Variants in IER3IP1 observed in about 807,000 individuals in gnomAD.
IER3IP1 encodes immediate early response 3 interacting protein 1.
Under a neutral mutation model 12.2 loss-of-function variants are expected in IER3IP1, and 16 were observed. That is an observed-to-expected ratio of 1.31 (90% confidence interval 0.89 to 1.99). The LOEUF is 1.99. Among genes scored for constraint, IER3IP1 ranks in the 30% most tolerant of loss-of-function variants. The pLI is 0.00. For synonymous variants in IER3IP1, 42 were observed against 40.0 expected (o/e 1.05, Z -0.19); for missense variants, 95 against 95.8 (o/e 0.99, Z 0.03).
chr18:47,165,099 C>T (rs1169388192), intron 1 of IER3IP1, among the ~76,000 whole-genome samples: 5 of 152,138 alleles, frequency 3.3e-5, no homozygotes, highest in Admixed American at 3.3e-4. Context: ...ATCTCAGCCT[C>T]TCTGAGATCA....
chr18:47,163,392 G>A (rs2063985922), intron 1 of IER3IP1, among the ~76,000 whole-genome samples: 1 of 152,142 alleles, frequency 6.6e-6, no homozygotes, highest in South Asian at 2.1e-4. Flanking sequence ...TGTCCCAGGT[G>A]GAATGGAATA....
In IER3IP1 at chr18:47,158,218, C is replaced by G. The variant is rs2063967738; in HGVS notation, c.92-681G>C. ...TTCAAAAATTACCATAATATAGAGA[C>G]AGGGTCTCACTTTGCTGCCTAGGCT... On this transcript the variant is annotated intron_variant, in intron 1 of 2. Transcript: ENST00000256433. 2.6e-5 allele frequency among the ~76,000 whole-genome samples: 4 copies of G among 152,194 alleles called. No individual in the cohort carries two copies. The South Asian group carries it at 8.3e-4, about 32-fold the overall frequency.
intron 1 of IER3IP1, among the ~76,000 whole-genome samples, chr18:47,173,136 T>C (rs2144439882): frequency 6.6e-6 from 1 of 152,316 alleles, no homozygotes; most frequent in South Asian, 2.1e-4. Flanking sequence ...CTTGCGTATC[T>C]CATAGAAATC....
At chr18:47,161,497 T>G (rs1265875897) in intron 1 of IER3IP1, among the ~76,000 whole-genome samples, 3 of 152,248 alleles carry the variant, frequency 2.0e-5, no homozygotes, top group Admixed American at 2.0e-4. Context: ...CTCAACCCTT[T>G]GAGTTTTCTC....
chr18:47,168,187 C>G (rs1332900479), intron 1 of IER3IP1, among the ~76,000 whole-genome samples: 6 of 146,290 alleles, frequency 4.1e-5, no homozygotes. Context: ...TTCCTGTAAT[C>G]CCAGCTATTC....
At chr18:47,168,239 A>T (rs551103031) in intron 1 of IER3IP1, among the ~76,000 whole-genome samples, 2 of 144,588 alleles carry the variant, frequency 1.4e-5, no homozygotes, top group East Asian at 4.4e-4. Context: ...GAGGCAGAGG[A>T]TGCAGTGAGC....
At chr18:47,175,665 G>C (rs2064030301) in intron 1 of IER3IP1, among the ~76,000 whole-genome samples, 1 of 152,022 alleles carries the variant, frequency 6.6e-6, no homozygotes, top group Admixed American at 6.5e-5. Flanking sequence ...GTTTTACCAT[G>C]TTGGCCAGGC....
rs1293571360 is a variant in IER3IP1 at position 47,154,615 on chromosome 18, C to G, written c.*1562G>C. 1 of 152,206 alleles carries G rather than the reference C, an allele frequency of 6.6e-6. No homozygotes were observed. The highest frequency in any genetic ancestry group is 6.5e-5 in the Admixed American group (1 of 15,282). The allele number at this position is 152,206 out of a possible 1,614,324, so 9.4% of individuals were successfully genotyped here. ...TTTTGAATCTTTTCAGTAGCTCAAA[C>G]TTGAACTCAGGCATCAGTTCTTTGT... On this transcript the variant is annotated 3_prime_UTR_variant, in exon 3 of 3. Transcript: ENST00000256433.
rs1397667968 is a variant in IER3IP1 at position 47,176,272 on chromosome 18, G to C, written c.6C>G (p.Ala2=). M[A]FTLYSLLQAA... The stretch of plus-strand genomic sequence containing the variant: ...CCTGCAGCAGTGAGTACAGGGTAAA[G>C]GCCATGGCCGTCCGAGGCCGCCCCG... Residue 2 remains alanine (A), a synonymous_variant, in exon 1 of 3, where the codon GCC becomes GCG. Coordinates refer to ENST00000256433, the MANE Select transcript of IER3IP1 (RefSeq NM_016097.5). The C allele has an allele frequency of 6.2e-7, 1 of 1,607,858 alleles. No individual in the cohort carries two copies. Among genetic ancestry groups the C allele is most frequent in the Non-Finnish European group, 8.5e-7 (1 of 1,177,362 alleles).
At chr18:47,160,312 G>A (rs923896029) in intron 1 of IER3IP1, among the ~76,000 whole-genome samples, 13 of 152,202 alleles carry the variant, frequency 8.5e-5, no homozygotes, top group Non-Finnish European at 1.9e-4. Flanking sequence ...AACAACACTG[G>A]TGATCAAACA....
In IER3IP1 at chr18:47,155,042, T is replaced by C. The variant is rs887730102; in HGVS notation, c.*1135A>G. 6.6e-6 allele frequency: 1 copy of C among 152,220 alleles called. No individual in the cohort carries two copies. The highest frequency in any genetic ancestry group is 1.5e-5 in the Non-Finnish European group (1 of 68,030). 9.4% of individuals were successfully genotyped at this position (152,220 alleles called of 1,614,324 possible). On this transcript the variant is annotated 3_prime_UTR_variant, in exon 3 of 3. Transcript: ENST00000256433. ...TATACTAAGGTACAAAAACAAGTGC[T>C]TGACTTAGAAATTTAACTTTATTTA...
intron 1 of IER3IP1, among the ~76,000 whole-genome samples, chr18:47,159,820 G>T (rs72907290): frequency 0.012 from 1,831 of 151,626 alleles, 21 homozygotes; most frequent in Non-Finnish European, 0.019. Flanking sequence ...AAATGTTCAC[G>T]TTCATTTTCT....
At chr18:47,163,979 G>A (rs1427446724) in intron 1 of IER3IP1, among the ~76,000 whole-genome samples, 1 of 151,868 alleles carries the variant, frequency 6.6e-6, no homozygotes, top group Non-Finnish European at 1.5e-5. Flanking sequence ...CCACAATTTC[G>A]CATATGGTAA....
intron 1 of IER3IP1, among the ~76,000 whole-genome samples, chr18:47,173,449 ACT>A (rs1216765750): frequency 1.3e-5 from 2 of 151,638 alleles, no homozygotes; most frequent in Non-Finnish European, 2.9e-5. Context: ...CAGGCAAGTG[ACT>A]CTCCTGCCTA....
chr18:47,173,002 T>A (rs749982306), intron 1 of IER3IP1, among the ~76,000 whole-genome samples: 1 of 152,244 alleles, frequency 6.6e-6, no homozygotes, highest in Admixed American at 6.5e-5. Context: ...TTTTCTTTCA[T>A]AATTTCATCT....
chr18:47,164,036 T>A (rs1258941573), intron 1 of IER3IP1, among the ~76,000 whole-genome samples: 1 of 152,212 alleles, frequency 6.6e-6, no homozygotes, highest in Non-Finnish European at 1.5e-5. Context: ...TCAATTTTTA[T>A]TGGAAACCAT....
At chr18:47,164,550 C>G (rs1306646195) in intron 1 of IER3IP1, among the ~76,000 whole-genome samples, 1 of 151,254 alleles carries the variant, frequency 6.6e-6, no homozygotes, top group Non-Finnish European at 1.5e-5. Context: ...TTCACACCTA[C>G]AATTCCAGCA....
intron 2 of IER3IP1, chr18:47,156,810 T>TTTTTTG (rs2063961482): frequency 8.9e-6 from 1 of 112,186 alleles, no homozygotes; most frequent in Non-Finnish European, 1.9e-5. Flanking sequence ...TTTTTTTTTT[T>TTTTTTG]GAGACAGAGT....
At chr18:47,170,672 TATTTC>T (rs1172743448) in intron 1 of IER3IP1, among the ~76,000 whole-genome samples, 1 of 152,124 alleles carries the variant, frequency 6.6e-6, no homozygotes, top group Non-Finnish European at 1.5e-5. Flanking sequence ...TTATTTCCTT[TATTTC>T]ATTTACAATT....
Sources: gnomAD v4.1 joint callset for allele counts (sites outside exome capture counted in the v4.1 genomes callset) on GRCh38, gnomAD v4.1.1 for gene constraint, MANE v1.5 for transcripts, NCBI Gene and HGNC (gene_info 2026-07-23, HGNC 2026-07-21) for gene names.